PPP1CB: variants seen among roughly 807,000 people sequenced by gnomAD.
The protein encoded by PPP1CB is protein phosphatase 1 catalytic subunit beta, also known as serine/threonine-protein phosphatase PP1-beta catalytic subunit.
A neutral mutation model predicts 43.7 loss-of-function variants in PPP1CB; 2 were observed. The ratio of observed to expected loss-of-function variants is 0.05; its 90% CI spans 0.02 to 0.14. The LOEUF (loss-of-function observed/expected upper bound fraction) is 0.14, where lower values mean the gene tolerates loss of function less well. Ranked by LOEUF, PPP1CB falls within the 10% of genes least tolerant of loss-of-function variation. The pLI is 1.00. For missense variants in PPP1CB, 84 were observed against 398.0 expected, an observed-to-expected ratio of 0.21 and a Z score of 6.71; for synonymous variants, 136 against 135.6, an observed-to-expected ratio of 1.00 and a Z score of -0.02.
intron 3 of PPP1CB, among the ~76,000 whole-genome samples, chr2:28,779,808 G>A (rs1667116316): frequency 6.6e-6 from 1 of 151,942 alleles, no homozygotes; most frequent in Admixed American, 6.6e-5. Context: ...TTTATATAAT[G>A]ATTTGACAAA....
At chr2:28,782,565 A>C (rs889108430) in intron 4 of PPP1CB, 3 of 152,358 alleles carry the variant, frequency 2.0e-5, no homozygotes, top group Admixed American at 6.5e-5. Flanking sequence ...TTTAGAGGAT[A>C]AATAGGCTTT....
At chr2:28,797,120 C>T (rs766227383) in intron 7 of PPP1CB, among the ~76,000 whole-genome samples, 18 of 151,908 alleles carry the variant, frequency 1.2e-4, no homozygotes, top group Admixed American at 9.2e-4. Context: ...CAGGAATAAA[C>T]CCTTCTTGAT....
intron 1 of PPP1CB, among the ~76,000 whole-genome samples, chr2:28,764,821 T>G (rs1666745282): frequency 6.6e-6 from 1 of 151,754 alleles, no homozygotes; most frequent in Admixed American, 6.6e-5. Flanking sequence ...CCCAGTAGAT[T>G]GAGGTAGGAG....
At chr2:28,752,233 G>T (rs1316263036) in intron 1 of PPP1CB, 57 bp downstream of exon 1, 1 of 1,454,854 alleles carries the variant, frequency 6.9e-7, no homozygotes, top group Non-Finnish European at 9.3e-7. Flanking sequence ...GCCGACCCCT[G>T]CGTCCCCGTC....
At chr2:28,763,695 G>C (rs1666712732) in intron 1 of PPP1CB, among the ~76,000 whole-genome samples, 1 of 124,830 alleles carries the variant, frequency 8.0e-6, no homozygotes, top group South Asian at 2.6e-4. Flanking sequence ...TTTGGTCTCT[G>C]AATCCACGTT....
chr2:28,757,114 C>T (rs969332615), intron 1 of PPP1CB, among the ~76,000 whole-genome samples: 13 of 152,138 alleles, frequency 8.5e-5, no homozygotes, highest in African/African-American at 2.4e-4. Flanking sequence ...CTATTCTGGA[C>T]GTTTCATGCA....
Position 28,796,241 on chromosome 2 carries a change from TTC to T in PPP1CB, c.879+2246_879+2247del, listed in dbSNP as rs542245860. Among the ~76,000 whole-genome samples the T allele has an allele frequency of 1.3e-3, 204 of 152,300 alleles. 1 individual carries two copies. Among genetic ancestry groups the T allele is most frequent in the Non-Finnish European group, 2.4e-3 (161 of 68,024 alleles). ...TGGTAGTGTGACGCTTCTGGCTTTGTTCTTTTTGCTTAGGATGCTTTGGCTAT... is the reference window on the plus strand; with the variant it reads ...TGGTAGTGTGACGCTTCTGGCTTTGTTTTTTGCTTAGGATGCTTTGGCTAT... On this transcript the variant is annotated intron_variant, in intron 7 of 7. Transcript: ENST00000395366.
chr2:28,795,879 C>G (rs1572472033), intron 7 of PPP1CB, among the ~76,000 whole-genome samples: 1 of 152,196 alleles, frequency 6.6e-6, no homozygotes, highest in Non-Finnish European at 1.5e-5. Context: ...AGGACAGTGT[C>G]CAGAATGGTA....
intron 1 of PPP1CB, among the ~76,000 whole-genome samples, chr2:28,764,695 G>T (rs368635573): frequency 1.3e-5 from 2 of 151,862 alleles, no homozygotes; most frequent in African/African-American, 4.8e-5. Context: ...TGAGGCCAAG[G>T]CGAGTGGATC....
chr2:28,765,326 A>G (rs1025096535), intron 1 of PPP1CB, among the ~76,000 whole-genome samples: 3 of 152,202 alleles, frequency 2.0e-5, no homozygotes, highest in African/African-American at 7.2e-5. Context: ...ATCTTAGAAG[A>G]TGTCTTTTTA....
intron 5 of PPP1CB, among the ~76,000 whole-genome samples, chr2:28,785,899 G>C (rs1295272472): frequency 1.3e-5 from 2 of 151,958 alleles, no homozygotes; most frequent in African/African-American, 4.8e-5. Context: ...TTATAGTTCA[G>C]ATGTAAACTG....
chr2:28,776,486 C>T (rs991897306), intron 1 of PPP1CB, among the ~76,000 whole-genome samples: 1 of 151,982 alleles, frequency 6.6e-6, no homozygotes, highest in Non-Finnish European at 1.5e-5. Flanking sequence ...TTTTGAACTC[C>T]CGACCTCAGG....
chr2:28,780,172 T>A (rs539774114), intron 3 of PPP1CB, among the ~76,000 whole-genome samples: 4 of 140,654 alleles, frequency 2.8e-5, no homozygotes, highest in Non-Finnish European at 6.1e-5. Context: ...CACTGCAACC[T>A]CCGCCTCCCG....
At chr2:28,781,066 C>T (rs747875870) in intron 3 of PPP1CB, among the ~76,000 whole-genome samples, 2 of 151,968 alleles carry the variant, frequency 1.3e-5, no homozygotes, top group African/African-American at 2.4e-5. Flanking sequence ...AGTCCACACA[C>T]TGAACGGAAA....
intron 4 of PPP1CB, among the ~76,000 whole-genome samples, chr2:28,783,679 C>T (rs1460262089): frequency 2.0e-5 from 3 of 151,902 alleles, no homozygotes; most frequent in Admixed American, 6.6e-5. Context: ...ATCGCTCGAA[C>T]CCGGGAGGTG....
At chr2:28,772,287 C>T (rs760948855) in intron 1 of PPP1CB, among the ~76,000 whole-genome samples, 4 of 151,942 alleles carry the variant, frequency 2.6e-5, no homozygotes, top group Non-Finnish European at 4.4e-5. Context: ...GGTGACGGAG[C>T]GAGACTCCAT....
chr2:28,764,364 G>A (rs1278637727), intron 1 of PPP1CB, among the ~76,000 whole-genome samples: 6 of 151,346 alleles, frequency 4.0e-5, no homozygotes, highest in Non-Finnish European at 8.8e-5. Flanking sequence ...GGAGGCTGAG[G>A]CAGGAGAATG....
chr2:28,779,966 A>G (rs1255192546), intron 3 of PPP1CB, among the ~76,000 whole-genome samples: 1 of 152,224 alleles, frequency 6.6e-6, no homozygotes, highest in East Asian at 1.9e-4. Flanking sequence ...GTCCAGCCAA[A>G]TAGCAGGTCA....
chr2:28,762,894 T>C (rs1666688673), intron 1 of PPP1CB, among the ~76,000 whole-genome samples: 3 of 152,246 alleles, frequency 2.0e-5, no homozygotes. Flanking sequence ...GTCAGATTCA[T>C]GGTGCTGATT....
Sources: allele counts gnomAD v4.1 joint callset (sites outside exome capture counted in the v4.1 genomes callset), GRCh38; gene constraint gnomAD v4.1.1; transcripts MANE v1.5; gene names NCBI Gene and HGNC (gene_info 2026-07-23, HGNC 2026-07-21).